Variants in SLC17A6 observed in about 807,000 individuals in gnomAD.
The protein encoded by SLC17A6 is vesicular glutamate transporter 2.
SLC17A6 carries 35 observed loss-of-function variants against 67.1 expected under a neutral mutation model. That is an observed-to-expected ratio of 0.52 (90% CI 0.40 to 0.69). The LOEUF is 0.69. SLC17A6 is among the 30% of genes least tolerant of loss of function. The pLI, the probability that SLC17A6 is intolerant of heterozygous loss-of-function variation, is 0.00. For missense variants in SLC17A6, 588 were observed against 723.9 expected (o/e 0.81, Z 2.15); for synonymous variants, 285 against 252.3 (o/e 1.13, Z -1.23).
chr11:22,374,521 C>T (rs968903737), intron 8 of SLC17A6, among the ~76,000 whole-genome samples: 2 of 91,706 alleles, frequency 2.2e-5, no homozygotes, highest in African/African-American at 4.7e-5. Context: ...TGATGCATTA[C>T]GTGGCAAAAA....
chr11:22,359,370 A>G, intron 3 of SLC17A6, 43 bp from the exon 4 acceptor site: 1 of 1,262,990 alleles, frequency 7.9e-7, no homozygotes, highest in Admixed American at 2.3e-5. Context: ...TATATATAAG[A>G]TGCTGAATCA....
At chr11:22,352,810 A>G (rs541233914) in intron 3 of SLC17A6, among the ~76,000 whole-genome samples, 2 of 152,240 alleles carry the variant, frequency 1.3e-5, no homozygotes, top group Non-Finnish European at 2.9e-5. Flanking sequence ...ACACTGAGAC[A>G]GTTATTGATT....
chr11:22,344,762 G>A (rs557383969), intron 3 of SLC17A6, among the ~76,000 whole-genome samples: 1 of 152,132 alleles, frequency 6.6e-6, no homozygotes, highest in Non-Finnish European at 1.5e-5. Flanking sequence ...CCTTTTTATG[G>A]ATGTGGTAAA....
chr11:22,372,170 A>G (rs576214357), intron 8 of SLC17A6, among the ~76,000 whole-genome samples: 104 of 152,076 alleles, frequency 6.8e-4, no homozygotes, highest in African/African-American at 2.5e-3. Context: ...GCAATGGCTT[A>G]ACCTTCATTC....
chr11:22,379,033 G>T lies in SLC17A6; in HGVS notation c.*1293G>T, dbSNP rs1048126341. The T allele has an allele frequency of 6.6e-6, 1 of 152,426 alleles. No individual in the cohort carries two copies. Among genetic ancestry groups the T allele is most frequent in the Non-Finnish European group, 1.5e-5 (1 of 67,964 alleles). 9.4% of individuals were successfully genotyped at this position (152,426 alleles called of 1,614,324 possible). ...GTCATTTCTTAATATAACTCAACAA[G>T]AATTGCAACATTTGTGTACCAAGCA... On this transcript the variant is annotated 3_prime_UTR_variant, in exon 12 of 12. Transcript: ENST00000263160.
Position 22,338,427 on chromosome 11 carries a change from G to C in SLC17A6, c.-107G>C. ...GAGCCACTACCATTCTGCTGAGAAG[G>C]AAAAGCCCGCAACTACTTTAAGAGA... On this transcript the variant is annotated 5_prime_UTR_variant, in exon 1 of 12. Transcript: ENST00000263160. The C allele has an allele frequency of 1.3e-6, 1 of 776,278 alleles. No individual in the cohort carries two copies. Among genetic ancestry groups the C allele is most frequent in the Non-Finnish European group, 2.2e-6 (1 of 460,364 alleles). The allele number at this position is 776,278 out of a possible 1,614,324, so 48.1% of individuals were successfully genotyped here. A position where few individuals can be genotyped will look rare whatever the true frequency, so the allele number is the denominator to read the frequency against.
chr11:22,358,519 A>AG (rs1856015201), intron 3 of SLC17A6, among the ~76,000 whole-genome samples: 1 of 152,160 alleles, frequency 6.6e-6, no homozygotes, highest in African/African-American at 2.4e-5. Context: ...TGTAGTAGAG[A>AG]TGGGGTTTCA....
chr11:22,367,843 T>C (rs1192986408), intron 7 of SLC17A6, among the ~76,000 whole-genome samples: 1 of 152,220 alleles, frequency 6.6e-6, no homozygotes, highest in Non-Finnish European at 1.5e-5. Context: ...GACAATATTT[T>C]ACTTCTTACT....
Position 22,338,573 on chromosome 11 carries a change from G to C in SLC17A6, c.40G>C (p.Glu14Gln). 2 of 1,613,830 alleles carry C rather than the reference G, an allele frequency of 1.2e-6. No homozygotes were observed. The highest frequency in any genetic ancestry group is 1.7e-6 in the Non-Finnish European group (2 of 1,179,862). The change falls in exon 1 of 12, where the codon GAG becomes CAG. Residue 14 changes from glutamate to glutamine, a missense_variant. Physicochemically the swap from Glu to Gln is conservative, Grantham distance 29. Around this residue, in one of 4 missense-constraint regions of SLC17A6, gnomAD observed 117 missense variants for 98.7 expected, o/e 1.19. Transcript: ENST00000263160. ...ACAAAGGATTTTGGCCCCAGGAAAAGAGGGGCTAAAGAATTTTGCTGGAAA... is the reference window on the plus strand; with the variant it reads ...ACAAAGGATTTTGGCCCCAGGAAAACAGGGGCTAAAGAATTTTGCTGGAAA... ...VKQRILAPGK[E>Q]GLKNFAGKSL...
At chr11:22,339,120 T>C (rs1855776274) in intron 1 of SLC17A6, among the ~76,000 whole-genome samples, 2 of 81,232 alleles carry the variant, frequency 2.5e-5, no homozygotes, top group Middle Eastern at 6.3e-3. Context: ...ATATATGTTA[T>C]ATATATATGT....
intron 3 of SLC17A6, among the ~76,000 whole-genome samples, chr11:22,354,877 C>T (rs550965950): frequency 6.6e-6 from 1 of 152,292 alleles, no homozygotes; most frequent in East Asian, 1.9e-4. Context: ...TCCACACTAA[C>T]AATTCAATAA....
intron 1 of SLC17A6, among the ~76,000 whole-genome samples, chr11:22,340,636 C>T (rs1855804548): frequency 6.6e-6 from 1 of 151,928 alleles, no homozygotes; most frequent in Non-Finnish European, 1.5e-5. Flanking sequence ...TGACATTTTT[C>T]GGTGTTTGTA....
chr11:22,376,730 T>G (rs1856236850), intron 11 of SLC17A6, 58 bp downstream of exon 11: 1 of 1,582,556 alleles, frequency 6.3e-7, no homozygotes, highest in South Asian at 1.1e-5. Context: ...AATGATAATC[T>G]TTTTGGAAAA....
intron 7 of SLC17A6, among the ~76,000 whole-genome samples, chr11:22,366,515 C>T (rs943033285): frequency 6.6e-6 from 1 of 151,982 alleles, no homozygotes; most frequent in Non-Finnish European, 1.5e-5. Context: ...AGGATTATTA[C>T]TATGAATATC....
chr11:22,342,705 C>T (rs1175615477), intron 2 of SLC17A6, among the ~76,000 whole-genome samples: 2 of 152,206 alleles, frequency 1.3e-5, no homozygotes, highest in African/African-American at 4.8e-5. Context: ...ACCGACTACT[C>T]CAAACTCTTC....
chr11:22,361,085 T>C (rs933253435), intron 5 of SLC17A6, 101 bp downstream of exon 5: 16 of 865,484 alleles, frequency 1.8e-5, no homozygotes, highest in Non-Finnish European at 2.0e-5. Context: ...ACCATCTGGG[T>C]TTTGTATGAA....
chr11:22,346,201 T>C (rs549766519), intron 3 of SLC17A6, among the ~76,000 whole-genome samples: 1 of 152,264 alleles, frequency 6.6e-6, no homozygotes, highest in Admixed American at 6.5e-5. Flanking sequence ...ACCACTGTTG[T>C]GGTGGAACTG....
At chr11:22,367,474 A>C (rs1210011803) in intron 7 of SLC17A6, among the ~76,000 whole-genome samples, 1 of 152,160 alleles carries the variant, frequency 6.6e-6, no homozygotes, top group African/African-American at 2.4e-5. Context: ...AAATAGACTA[A>C]TAATTTCTTA....
At chr11:22,347,246 A>T (rs1264226635) in intron 3 of SLC17A6, among the ~76,000 whole-genome samples, 6 of 83,382 alleles carry the variant, frequency 7.2e-5, no homozygotes, top group Non-Finnish European at 1.5e-4. Flanking sequence ...TTGGGGATTA[A>T]AAAAAAAAGC....
Sources: gnomAD v4.1 joint callset for allele counts (sites outside exome capture counted in the v4.1 genomes callset) on GRCh38, gnomAD v4.1.1 for gene constraint, gnomAD v4.1.1 regional missense constraint, MANE v1.5 for transcripts, NCBI Gene and HGNC (gene_info 2026-07-23, HGNC 2026-07-21) for gene names.